The following AKTIP variants were observed in gnomAD, a reference collection of about 807,000 sequenced individuals.
The protein encoded by AKTIP is AKT-interacting protein.
Under a neutral mutation model 39.1 loss-of-function variants are expected in AKTIP, and 16 were observed. The observed-to-expected ratio is 0.41, with a 90% CI of 0.28 to 0.62. The LOEUF (loss-of-function observed/expected upper bound fraction) is 0.62, where lower values mean the gene tolerates loss of function less well. AKTIP is among the 20% of genes least tolerant of loss of function. AKTIP has a pLI of 0.32. For synonymous variants in AKTIP, 93 were observed against 124.3 expected (o/e 0.75, Z 1.67); for missense variants, 262 against 356.6 (o/e 0.73, Z 2.14).
chr16:53,493,765 ATT>A lies in AKTIP; in HGVS notation c.710+371_710+372del, dbSNP rs1961648199. 1.3e-5 allele frequency: 3 copies of A among 223,022 alleles called. No individual in the cohort carries two copies. The South Asian group carries it at 2.5e-4, about 19-fold the overall frequency. 13.8% of individuals were successfully genotyped at this position (223,022 alleles called of 1,614,324 possible). ...TTCAGGAACCCACCATTCTCACACT[ATT>A]CAGTTTCCCTCCTTTTACCACATCT... On this transcript the variant is annotated intron_variant, in intron 8 of 9. Coordinates refer to ENST00000394657, the MANE Select transcript of AKTIP (RefSeq NM_022476.4).
chr16:53,499,639 T>C (rs1271937902), intron 2 of AKTIP, among the ~76,000 whole-genome samples: 1 of 151,936 alleles, frequency 6.6e-6, no homozygotes, highest in Non-Finnish European at 1.5e-5. Context: ...TTTTTGTATA[T>C]TTAGTAGAGA....
At chr16:53,501,922 G>A (rs1452643441) in intron 1 of AKTIP, among the ~76,000 whole-genome samples, 1 of 152,206 alleles carries the variant, frequency 6.6e-6, no homozygotes, top group Admixed American at 6.5e-5. Context: ...ATGTGCGGGG[G>A]CATGTTCCCC....
rs771776966 is a variant in AKTIP, at chr16:53,492,419, G to A, written c.872C>T (p.Ala291Val). 8.1e-6 allele frequency: 13 copies of A among 1,612,074 alleles called. No individual in the cohort carries two copies. The highest frequency in any genetic ancestry group is 5.5e-5 in the South Asian group (5 of 90,972). ...QPFSKEEKTV[A>V]T ...CACCAGATTCACCATCTCTTAAGTC[G>A]CCACTGTTTTCTCTTCTTTACTGAA... The change falls in exon 10 of 10, where the codon GCG (alanine) becomes GTG (valine). Residue 291 changes from alanine to valine, a missense_variant. Coordinates refer to ENST00000394657, the MANE Select transcript of AKTIP (RefSeq NM_022476.4).
chr16:53,499,798 T>C (rs964226389), intron 2 of AKTIP, among the ~76,000 whole-genome samples: 1 of 152,118 alleles, frequency 6.6e-6, no homozygotes, highest in Non-Finnish European at 1.5e-5. Flanking sequence ...TTTTAACCTT[T>C]CCTAAAATGA....
In AKTIP at chr16:53,503,100, A is replaced by C. The variant is rs2150878475; in HGVS notation, c.-71+47T>G. 2.0e-5 allele frequency: 3 copies of C among 152,324 alleles called. No individual in the cohort carries two copies. The South Asian group carries it at 6.2e-4, about 32-fold the overall frequency. 9.4% of individuals were successfully genotyped at this position (152,324 alleles called of 1,614,324 possible). A position where few individuals can be genotyped will look rare whatever the true frequency, so the allele number is the denominator to read the frequency against. On this transcript the variant is annotated intron_variant, in intron 1 of 9. Coordinates refer to ENST00000394657, the MANE Select transcript of AKTIP (RefSeq NM_022476.4). ...GAGGCTGGCGGCCAGATTTACAGAC[A>C]CCTCAGCCCTCGCGTACCCACCAGC... is the stretch of plus-strand genomic sequence containing the variant.
rs1413109313 is a variant in AKTIP, at chr16:53,491,238, T to TA, written c.*1173dup. ...CCTCTTCCTTTAGGAGGGAGTTATC[T>TA]AAAAGAAATGTCTATTAAGGTGATA... On this transcript the variant is annotated 3_prime_UTR_variant, in exon 10 of 10. Transcript: ENST00000394657. 1.3e-5 allele frequency: 2 copies of TA among 152,186 alleles called. No homozygotes were observed. The highest frequency in any genetic ancestry group is 4.8e-5 in the African/African-American group (2 of 41,442). 9.4% of individuals were successfully genotyped at this position (152,186 alleles called of 1,614,324 possible).
rs1269806447 is a variant in AKTIP, at chr16:53,495,328, T to A, written c.249-2A>T. ...AGCTTCTGCTTCACAACCAAGGTAC[T>A]ACAACAAAAGCAGAATAATTAACTT... On this transcript the variant is annotated splice_acceptor_variant, in intron 3 of 9. Coordinates refer to ENST00000394657, the MANE Select transcript of AKTIP (RefSeq NM_022476.4). LOFTEE classifies it high-confidence loss of function. 1 of 1,613,976 alleles carries A rather than the reference T, an allele frequency of 6.2e-7. No homozygotes were observed. Among genetic ancestry groups the A allele is most frequent in the Non-Finnish European group, 8.5e-7 (1 of 1,179,968 alleles).
At chr16:53,494,842 G>T in intron 5 of AKTIP, 1 of 720,018 alleles carries the variant, frequency 1.4e-6, no homozygotes, top group East Asian at 2.7e-5. Flanking sequence ...CATTCACCTG[G>T]TGAGTGCTGC....
At chr16:53,498,650 G>A (rs1300921618) in intron 2 of AKTIP, 54 bp from the exon 3 acceptor site, 10 of 1,549,450 alleles carry the variant, frequency 6.5e-6, no homozygotes, top group African/African-American at 4.1e-5. Flanking sequence ...TAAATCACAA[G>A]AGTACATTAT....
At chr16:53,504,245 A>G (rs3809634), upstream of AKTIP, 45,021 of 151,804 alleles carry the variant, frequency 0.3, 7,029 homozygotes, top group Middle Eastern at 0.37. Flanking sequence ...AGTCCGTCCA[A>G]TCTCGGCACT....
chr16:53,494,694 A>G lies in AKTIP; in HGVS notation c.415-89T>C. On this transcript the variant is annotated intron_variant, in intron 5 of 9. Transcript: ENST00000394657. ...GAATCGTGATAAAAAGAGCTTCAGG[A>G]CAAGGCAGTCACGTTATTTAAAGCT... The G allele has an allele frequency of 2.4e-6, 3 of 1,267,014 alleles. No homozygotes were observed. In the South Asian group the frequency reaches 3.9e-5, roughly 16 times the overall value. The allele number at this position is 1,267,014 out of a possible 1,614,324, so 78.5% of individuals were successfully genotyped here. A position where few individuals can be genotyped will look rare whatever the true frequency, so the allele number is the denominator to read the frequency against.
intron 2 of AKTIP, 152 bp from the exon 3 acceptor site, chr16:53,498,748 G>A: frequency 1.3e-6 from 1 of 762,182 alleles, no homozygotes; most frequent in South Asian, 1.8e-5. Flanking sequence ...CTTTGGGCAG[G>A]CAGGTCATAT....
At chr16:53,499,118 G>A (rs547560852) in intron 2 of AKTIP, among the ~76,000 whole-genome samples, 6 of 152,330 alleles carry the variant, frequency 3.9e-5, no homozygotes, top group South Asian at 2.1e-4. Flanking sequence ...TACTGGGTAT[G>A]TTTCAACATT....
intron 5 of AKTIP, 23 bp downstream of exon 5, chr16:53,495,050 G>A: frequency 7.5e-6 from 12 of 1,598,642 alleles, no homozygotes; most frequent in Non-Finnish European, 1.0e-5. Flanking sequence ...CACAAATAAA[G>A]CCAGACTGTG....
chr16:53,503,197 G>A lies in AKTIP; in HGVS notation c.-121C>T, dbSNP rs1051512252. ...TGGCTGCCAAGCGCCGCCGCGGCCC[G>A]ACAGCATCTCCCGCCGCAGCGCCAG... On this transcript the variant is annotated 5_prime_UTR_variant, in exon 1 of 10. Coordinates refer to ENST00000394657, the MANE Select transcript of AKTIP (RefSeq NM_022476.4). The A allele has an allele frequency of 7.8e-5, 12 of 154,486 alleles. No homozygotes were observed. Among genetic ancestry groups the A allele is most frequent in the Non-Finnish European group, 1.7e-4 (12 of 70,034 alleles). The allele number at this position is 154,486 out of a possible 1,614,324, so 9.6% of individuals were successfully genotyped here.
intron 3 of AKTIP, among the ~76,000 whole-genome samples, chr16:53,496,380 C>A (rs1961834433): frequency 6.6e-6 from 1 of 151,746 alleles, no homozygotes; most frequent in South Asian, 2.1e-4. Context: ...ATTATAGAGC[C>A]AAAGGGGCCA....
intron 8 of AKTIP, 72 bp downstream of exon 8, chr16:53,494,066 G>T: frequency 1.7e-6 from 2 of 1,200,044 alleles, no homozygotes; most frequent in African/African-American, 1.5e-5. Context: ...CCTATTCTGA[G>T]ACCACCTGGA....
chr16:53,492,872 TGTC>T, intron 8 of AKTIP, 119 bp from the exon 9 acceptor site: 6 of 797,134 alleles, frequency 7.5e-6, no homozygotes, highest in Non-Finnish European at 1.2e-5. Context: ...TTTTTATTGT[TGTC>T]GACATGTATG....
chr16:53,493,602 GC>G (rs1485130863), intron 8 of AKTIP: 31 of 155,208 alleles, frequency 2.0e-4, no homozygotes, highest in Admixed American at 1.9e-3. Flanking sequence ...ACCATGCCTG[GC>G]CATGAGTCCA....
Sources: allele counts gnomAD v4.1 joint callset (sites outside exome capture counted in the v4.1 genomes callset), GRCh38; gene constraint gnomAD v4.1.1; transcripts MANE v1.5; gene names NCBI Gene and HGNC (gene_info 2026-07-23, HGNC 2026-07-21).